The following GEMIN7 variants were observed in gnomAD, a reference collection of about 807,000 sequenced individuals.
GEMIN7 encodes gem nuclear organelle associated protein 7, also known as gem-associated protein 7.
GEMIN7 carries 7 observed loss-of-function variants against 7.8 expected under a neutral mutation model. The ratio of observed to expected loss-of-function variants is 0.90; its 90% confidence interval spans 0.51 to 1.69. GEMIN7 has a LOEUF of 1.69. Among genes scored for constraint, GEMIN7 ranks in the 40% most tolerant of loss-of-function variants. GEMIN7 has a pLI of 0.00. For missense variants in GEMIN7, 159 were observed against 176.2 expected (o/e 0.90, Z 0.55); for synonymous variants, 68 against 72.4 (o/e 0.94, Z 0.31).
chr19:45,087,253 C>T (rs1712138732), intron 2 of GEMIN7, among the ~76,000 whole-genome samples: 2 of 152,160 alleles, frequency 1.3e-5, no homozygotes, highest in South Asian at 2.1e-4. Flanking sequence ...AAGTGATTCT[C>T]ATGCCTCAGG....
At chr19:45,085,887 A>C (rs1430262572) in intron 2 of GEMIN7, among the ~76,000 whole-genome samples, 1 of 18,932 alleles carries the variant, frequency 5.3e-5, no homozygotes, top group Non-Finnish European at 9.6e-5. Context: ...TTTTTTTTTG[A>C]GACGGAGTCT....
chr19:45,082,526 T>G (rs1470417457), intron 2 of GEMIN7, among the ~76,000 whole-genome samples: 1 of 152,118 alleles, frequency 6.6e-6, no homozygotes, highest in Non-Finnish European at 1.5e-5. Flanking sequence ...GGGCTCTCAG[T>G]CCTAGACGTG....
intron 2 of GEMIN7, among the ~76,000 whole-genome samples, chr19:45,082,585 G>T (rs1967538690): frequency 1.3e-5 from 2 of 152,128 alleles, no homozygotes; most frequent in Non-Finnish European, 2.9e-5. Context: ...GCACTCAGAT[G>T]ATGTGCTAAC....
chr19:45,082,509 C>T (rs1049220763), intron 2 of GEMIN7, among the ~76,000 whole-genome samples: 8 of 152,170 alleles, frequency 5.3e-5, no homozygotes, highest in African/African-American at 1.7e-4. Context: ...CCCACAAAGG[C>T]GGAACTGGGC....
At chr19:45,077,968 G>A (rs901745104), upstream of GEMIN7, among the ~76,000 whole-genome samples, 9 of 151,936 alleles carry the variant, frequency 5.9e-5, no homozygotes, top group African/African-American at 1.9e-4. Flanking sequence ...GGCTTGAAGC[G>A]CTCCTCCTGC....
rs1189429239 is a variant in GEMIN7 at position 45,090,446 on chromosome 19, T to C, written c.332T>C (p.Ile111Thr). 1.1e-5 allele frequency: 18 copies of C among 1,613,806 alleles called. No homozygotes were observed. Among genetic ancestry groups the C allele is most frequent in the Non-Finnish European group, 1.5e-5 (18 of 1,179,942 alleles). Residue 111 changes from isoleucine to threonine, a missense_variant, in exon 3 of 3, where the codon ATA becomes ACA. Transcript: ENST00000270257. ...NFYVSQLQTP[I>T]GVQAEALLRC... ...TACGTGTCACAGCTGCAGACTCCCA[T>C]AGGTGTGCAAGCAGAGGCGCTGCTC...
chr19:45,078,097 C>CTTTT (rs57149861), upstream of GEMIN7, among the ~76,000 whole-genome samples: 112 of 96,634 alleles, frequency 1.2e-3, 2 homozygotes, highest in East Asian at 7.5e-3. Context: ...TTATTTTACT[C>CTTTT]TTTTTTTTTT....
intron 2 of GEMIN7, among the ~76,000 whole-genome samples, chr19:45,086,234 G>A (rs1236695409): frequency 1.3e-5 from 2 of 151,870 alleles, no homozygotes; most frequent in Admixed American, 6.6e-5. Context: ...CTGCACTCCG[G>A]CCTGGGTGAC....
At chr19:45,087,193 G>T (rs1040767481) in intron 2 of GEMIN7, among the ~76,000 whole-genome samples, 1 of 152,148 alleles carries the variant, frequency 6.6e-6, no homozygotes, top group Admixed American at 6.6e-5. Flanking sequence ...GCCCAGGCTG[G>T]AGTACAGTGG....
At chr19:45,076,182 G>C, upstream of GEMIN7, 1 of 1,505,338 alleles carries the variant, frequency 6.6e-7, no homozygotes, top group Non-Finnish European at 8.8e-7. The surrounding 1 kb of genome is among the most constrained non-coding windows in gnomAD (Gnocchi z 4.9). Flanking sequence ...GGTGGGGTTC[G>C]CCGCCGAACC....
At chr19:45,089,992 G>A in intron 2 of GEMIN7, 115 bp from the exon 3 acceptor site, 1 of 1,068,548 alleles carries the variant, frequency 9.4e-7, no homozygotes, top group Non-Finnish European at 1.4e-6. Context: ...GGATCAGTCT[G>A]GGGCAGGTGC....
At chr19:45,075,883 G>A (rs746359371), upstream of GEMIN7, 1 of 1,613,050 alleles carries the variant, frequency 6.2e-7, no homozygotes, top group South Asian at 1.1e-5. Context: ...GAAGCGGGTG[G>A]TGAGCGTGGG....
chr19:45,083,576 C>A (rs1206956829), intron 2 of GEMIN7, among the ~76,000 whole-genome samples: 1 of 148,330 alleles, frequency 6.7e-6, no homozygotes, highest in African/African-American at 2.5e-5. Context: ...CTCTTTTTCA[C>A]ATTTTCTTTT....
At chr19:45,089,383 G>T (rs1203804612) in intron 2 of GEMIN7, among the ~76,000 whole-genome samples, 1 of 152,038 alleles carries the variant, frequency 6.6e-6, no homozygotes, top group Non-Finnish European at 1.5e-5. Flanking sequence ...TATCCAGTGG[G>T]TTATAATCTG....
chr19:45,083,511 T>C (rs139159404), intron 2 of GEMIN7, among the ~76,000 whole-genome samples: 1 of 152,010 alleles, frequency 6.6e-6, no homozygotes, highest in African/African-American at 2.4e-5. Context: ...TCAGTAAGAT[T>C]TGGCAGCTAA....
At chr19:45,079,670 T>C (rs977627767) in intron 1 of GEMIN7, among the ~76,000 whole-genome samples, 4 of 152,126 alleles carry the variant, frequency 2.6e-5, no homozygotes, top group Non-Finnish European at 5.9e-5. Flanking sequence ...AGTGGACGCC[T>C]GGGGGCCGGG....
intron 2 of GEMIN7, among the ~76,000 whole-genome samples, chr19:45,084,912 C>T (rs1399762481): frequency 6.6e-6 from 1 of 152,246 alleles, no homozygotes; most frequent in African/African-American, 2.4e-5. Context: ...TGCACCACCA[C>T]TAATTACAGA....
chr19:45,083,596 C>CTTTTTTTTTTTTTT (rs1285002333), intron 2 of GEMIN7, among the ~76,000 whole-genome samples: 1 of 88,732 alleles, frequency 1.1e-5, no homozygotes, highest in Non-Finnish European at 2.3e-5. Context: ...TCCAATTCTT[C>CTTTTTTTTTTTTTT]TTCTTTTTTT....
At chr19:45,076,260 T>C, upstream of GEMIN7, 1 of 1,499,084 alleles carries the variant, frequency 6.7e-7, no homozygotes, top group Non-Finnish European at 8.9e-7. The surrounding 1 kb of genome is among the most constrained non-coding windows in gnomAD (Gnocchi z 4.9). Flanking sequence ...GCTGCGCGTC[T>C]GGCTCGGGCT....
Sources: allele counts gnomAD v4.1 joint callset (sites outside exome capture counted in the v4.1 genomes callset), GRCh38; gene constraint gnomAD v4.1.1; non-coding constraint Gnocchi (gnomAD v3.1); transcripts MANE v1.5; gene names NCBI Gene and HGNC (gene_info 2026-07-23, HGNC 2026-07-21).